The following GPR139 variants were observed in gnomAD, a reference collection of about 807,000 sequenced individuals.
The protein encoded by GPR139 is G protein-coupled receptor 139.
Under a neutral mutation model 25.8 loss-of-function variants are expected in GPR139, and 12 were observed. The observed-to-expected ratio is 0.47, with a 90% CI of 0.30 to 0.75. GPR139 has a LOEUF of 0.75. Ranked by LOEUF, GPR139 falls within the 30% of genes least tolerant of loss-of-function variation. The pLI is 0.07. For missense variants in GPR139, 380 were observed against 450.2 expected, an observed-to-expected ratio of 0.84 and a Z score of 1.41; for synonymous variants, 184 against 179.9, an observed-to-expected ratio of 1.02 and a Z score of -0.18.
intron 1 of GPR139, among the ~76,000 whole-genome samples, chr16:20,054,359 G>A (rs72772746): frequency 0.093 from 14,181 of 152,024 alleles, 711 homozygotes; most frequent in Non-Finnish European, 0.11. Flanking sequence ...GTCATCAGGT[G>A]GGAAACTAAA....
chr16:20,030,677 T>A lies in GPR139; in HGVS notation c.*1058A>T, dbSNP rs1223887567. ...TTTTGTGTCTGCGTTTGTGGCGAAA[T>A]GGCAGCGCCAGCTGGGCTGTGAGAC... is the stretch of plus-strand genomic sequence containing the variant. On this transcript the variant is annotated 3_prime_UTR_variant, in exon 2 of 2. Coordinates refer to ENST00000570682, the MANE Select transcript of GPR139 (RefSeq NM_001002911.4). Among the ~76,000 whole-genome samples, 1 of 152,222 alleles carries A rather than the reference T, an allele frequency of 6.6e-6. No individual in the cohort carries two copies. Among genetic ancestry groups the A allele is most frequent in the African/African-American group, 2.4e-5 (1 of 41,460 alleles).
In GPR139 at chr16:20,032,362, G is replaced by A. The variant is rs1397326435; in HGVS notation, c.435C>T (p.Thr145=). The A allele has an allele frequency of 1.2e-6, 2 of 1,614,208 alleles. No homozygotes were observed. Among genetic ancestry groups the A allele is most frequent in the Non-Finnish European group, 1.7e-6 (2 of 1,180,038 alleles). ...KYHTVSYPAR[T]RKVIVSVYIT... Reference sequence around the variant, plus strand: ...TGTAAACACTTACAATGACTTTCCGGGTGCGGGCTGGGTATGAGACCGTGT... The same window carrying A: ...TGTAAACACTTACAATGACTTTCCGAGTGCGGGCTGGGTATGAGACCGTGT... Residue 145 remains threonine, a synonymous_variant, in exon 2 of 2, where the codon ACC becomes ACT. Coordinates refer to ENST00000570682, the MANE Select transcript of GPR139 (RefSeq NM_001002911.4).
intron 1 of GPR139, among the ~76,000 whole-genome samples, chr16:20,036,241 G>A (rs2057309709): frequency 6.6e-6 from 1 of 152,162 alleles, no homozygotes. Context: ...AAGCTGTAAA[G>A]AGGTTGAGGT....
chr16:20,033,342 G>C (rs1419772818), intron 1 of GPR139, among the ~76,000 whole-genome samples: 1 of 152,172 alleles, frequency 6.6e-6, no homozygotes, highest in African/African-American at 2.4e-5. Context: ...ATGAGAGTTG[G>C]TGTTGCCATT....
intron 1 of GPR139, among the ~76,000 whole-genome samples, chr16:20,034,450 C>G (rs1438559599): frequency 6.6e-6 from 1 of 152,184 alleles, no homozygotes; most frequent in East Asian, 1.9e-4. Flanking sequence ...TGTTCTCATT[C>G]TTTTCCATCT....
At chr16:20,039,635 C>T (rs768952194) in intron 1 of GPR139, among the ~76,000 whole-genome samples, 164 of 152,182 alleles carry the variant, frequency 1.1e-3, no homozygotes, top group Non-Finnish European at 1.9e-3. Flanking sequence ...ATTTAAAAGC[C>T]CTGAGGTTCA....
chr16:20,039,468 CTT>C (rs776707490), intron 1 of GPR139, among the ~76,000 whole-genome samples: 13 of 152,276 alleles, frequency 8.5e-5, no homozygotes, highest in Admixed American at 4.6e-4. Context: ...GTAATACACA[CTT>C]GTCAAAAATT....
chr16:20,060,755 C>T (rs2057409906), intron 1 of GPR139, among the ~76,000 whole-genome samples: 1 of 152,078 alleles, frequency 6.6e-6, no homozygotes, highest in South Asian at 2.1e-4. Flanking sequence ...CATGCATCCC[C>T]CTTCTCCTTT....
At position 20,031,580 on chromosome 16, in the gene GPR139, C is replaced by G. The variant is rs2057288461; in HGVS notation, c.*155G>C. ...CTTCATGCTCTCCTTTCTTCTCTTC[C>G]ATCTCTTCTCATCTACCAGTCTGAG... On this transcript the variant is annotated 3_prime_UTR_variant, in exon 2 of 2. Coordinates refer to ENST00000570682, the MANE Select transcript of GPR139 (RefSeq NM_001002911.4). The G allele has an allele frequency of 1.6e-6, 1 of 639,504 alleles. No homozygotes were observed. The highest frequency in any genetic ancestry group is 2.8e-5 in the Admixed American group (1 of 35,458). The allele number at this position is 639,504 out of a possible 1,614,324, so 39.6% of individuals were successfully genotyped here.
chr16:20,064,331 A>C (rs750818175), intron 1 of GPR139, among the ~76,000 whole-genome samples: 9 of 152,190 alleles, frequency 5.9e-5, no homozygotes, highest in Non-Finnish European at 8.8e-5. Flanking sequence ...ACTTGAGACC[A>C]GGAGCTCAAG....
At chr16:20,047,979 C>T (rs1312674622) in intron 1 of GPR139, among the ~76,000 whole-genome samples, 1 of 152,090 alleles carries the variant, frequency 6.6e-6, no homozygotes, top group Non-Finnish European at 1.5e-5. Context: ...TACTATTAGA[C>T]AGGGTAAAAG....
chr16:20,062,868 T>C lies in GPR139; in HGVS notation c.127+10622A>G, dbSNP rs2057418780. Reference sequence around the variant, plus strand: ...TGATGAGATATTTAACTTTTTTTCATGCTAAATCTTCAAAATCTGCTGTGT... The same window carrying C: ...TGATGAGATATTTAACTTTTTTTCACGCTAAATCTTCAAAATCTGCTGTGT... On this transcript the variant is annotated intron_variant, in intron 1 of 1. Coordinates refer to ENST00000570682, the MANE Select transcript of GPR139 (RefSeq NM_001002911.4). 2.6e-5 allele frequency among the ~76,000 whole-genome samples: 4 copies of C among 152,340 alleles called. No individual in the cohort carries two copies. In the South Asian group the frequency reaches 6.2e-4, roughly 24 times the overall value.
chr16:20,044,412 C>A (rs1335630753), intron 1 of GPR139, among the ~76,000 whole-genome samples: 1 of 152,122 alleles, frequency 6.6e-6, no homozygotes, highest in Non-Finnish European at 1.5e-5. Context: ...CTTCTTAAGA[C>A]CTCAGTTTCC....
intron 1 of GPR139, among the ~76,000 whole-genome samples, chr16:20,039,572 A>G (rs1366072493): frequency 6.6e-6 from 1 of 152,218 alleles, no homozygotes; most frequent in East Asian, 1.9e-4. Context: ...TAAGCATCTT[A>G]CACACAATAT....
rs2057279605 is a variant in GPR139 at position 20,029,500 on chromosome 16, T to C, written c.*2235A>G. Among the ~76,000 whole-genome samples, 1 of 150,772 alleles carries C rather than the reference T, an allele frequency of 6.6e-6. No homozygotes were observed. Among genetic ancestry groups the C allele is most frequent in the African/African-American group, 2.4e-5 (1 of 41,206 alleles). Reference sequence around the variant, plus strand: ...AAATAAATAAATATATATATATATATATATTCAGTATAGGTAGCCTTTGGT... The same window carrying C: ...AAATAAATAAATATATATATATATACATATTCAGTATAGGTAGCCTTTGGT... On this transcript the variant is annotated 3_prime_UTR_variant, in exon 2 of 2. Transcript: ENST00000570682.
At chr16:20,068,025 TG>T (rs757841219) in intron 1 of GPR139, among the ~76,000 whole-genome samples, 2 of 151,856 alleles carry the variant, frequency 1.3e-5, no homozygotes, top group East Asian at 3.9e-4. Context: ...AAGGGAGAGT[TG>T]AAATCCATAA....
At position 20,073,023 on chromosome 16, in the gene GPR139, GC is replaced by G. The variant is rs1469390112; in HGVS notation, c.127+466del. 6.6e-6 allele frequency among the ~76,000 whole-genome samples: 1 copy of G among 152,174 alleles called. No homozygotes were observed. The highest frequency in any genetic ancestry group is 2.4e-5 in the African/African-American group (1 of 41,440). Reference sequence around the variant, plus strand: ...GGTCTCCAGCTTCATCTCGTGTCAGGCGGGGACACGCAGAGGGGCAGAGGTG... The same window carrying G: ...GGTCTCCAGCTTCATCTCGTGTCAGGGGGGACACGCAGAGGGGCAGAGGTG... On this transcript the variant is annotated intron_variant, in intron 1 of 1. Coordinates refer to ENST00000570682, the MANE Select transcript of GPR139 (RefSeq NM_001002911.4). The surrounding 1 kb of genome is among the most constrained non-coding windows in gnomAD (Gnocchi z 4.7).
chr16:20,055,434 T>A (rs1166162907), intron 1 of GPR139, among the ~76,000 whole-genome samples: 1 of 152,194 alleles, frequency 6.6e-6, no homozygotes, highest in Admixed American at 6.5e-5. Context: ...GCTCTACATA[T>A]GTCCGGAGTC....
At chr16:20,067,306 A>C (rs1439658594) in intron 1 of GPR139, among the ~76,000 whole-genome samples, 1 of 152,216 alleles carries the variant, frequency 6.6e-6, no homozygotes, top group Non-Finnish European at 1.5e-5. Context: ...GCAACACAGC[A>C]GAACCTGGCT....
Sources: gnomAD v4.1 joint callset for allele counts (sites outside exome capture counted in the v4.1 genomes callset) on GRCh38, gnomAD v4.1.1 for gene constraint, Gnocchi (gnomAD v3.1) non-coding constraint, MANE v1.5 for transcripts, NCBI Gene and HGNC (gene_info 2026-07-23, HGNC 2026-07-21) for gene names.